TENM2: variants seen among roughly 807,000 people sequenced by gnomAD.
TENM2 encodes the protein teneurin-2.
A neutral mutation model predicts 245.2 loss-of-function variants in TENM2; 52 were observed. The ratio of observed to expected loss-of-function variants is 0.21; its 90% CI spans 0.17 to 0.27. The LOEUF (loss-of-function observed/expected upper bound fraction) is 0.27, where lower values mean the gene tolerates loss of function less well. Among genes scored for constraint, TENM2 ranks in the 10% least tolerant of loss-of-function variants. TENM2 has a pLI of 1.00. For missense variants in TENM2, 3,046 were observed against 3,666.8 expected (o/e 0.83, Z 4.37); for synonymous variants, 1,363 against 1,438.9 (o/e 0.95, Z 1.19).
chr5:167,862,074 G>A (rs531275724), intron 2 of TENM2, among the ~76,000 whole-genome samples: 3 of 152,188 alleles, frequency 2.0e-5, no homozygotes, highest in Non-Finnish European at 4.4e-5. Context: ...ATTGCTGACA[G>A]TGGAGGTATT....
At chr5:167,236,641 C>T in the TENM2 span, among the ~76,000 whole-genome samples, 3 of 152,106 alleles carry the variant, frequency 2.0e-5, no homozygotes, top group African/African-American at 7.2e-5. Context: ...ATGTGAACAA[C>T]AGGGAAGGCC....
At chr5:167,989,268 AAGAGAGAGAG>A (rs10617322) in intron 4 of TENM2, among the ~76,000 whole-genome samples, 2,747 of 145,028 alleles carry the variant, frequency 0.019, 92 homozygotes, top group African/African-American at 0.065. Flanking sequence ...AAGATAGAGA[AAGAGAGAGAG>A]AGAGAGAGAG....
intron 23 of TENM2, among the ~76,000 whole-genome samples, chr5:168,221,196 G>A (rs1763642702): frequency 6.6e-6 from 1 of 152,044 alleles, no homozygotes. Flanking sequence ...TTCCCACTCT[G>A]TTACAGGGGG....
chr5:168,167,420 A>G lies in TENM2; in HGVS notation c.2569+4663A>G, dbSNP rs368026260. On this transcript the variant is annotated intron_variant, in intron 13 of 28. Transcript: ENST00000518659. ...TAGAGTCAGGAGCCCTAGCCCTTCC[A>G]TCATTTCAAGCCGGCATCGGAGTGA... Among the ~76,000 whole-genome samples, 74 of 152,174 alleles carry G rather than the reference A, an allele frequency of 4.9e-4. No homozygotes were observed. The East Asian group carries it at 0.011, about 23-fold the overall frequency.
intron 2 of TENM2, among the ~76,000 whole-genome samples, chr5:167,859,354 C>T (rs1771447013): frequency 6.8e-6 from 1 of 146,826 alleles, no homozygotes; most frequent in Non-Finnish European, 1.5e-5. Context: ...CTCCGCCCGG[C>T]AGCCACCCCG....
chr5:167,872,552 AAGAAAGAAAGAAAGAAAGAAAG>A (rs1773063221), intron 2 of TENM2, among the ~76,000 whole-genome samples: 1 of 48,356 alleles, frequency 2.1e-5, no homozygotes, highest in Non-Finnish European at 5.6e-5. Flanking sequence ...AAGAAAGAGA[AAGAAAGAAAGAAAGAAAGAAAG>A]AAAGAAAGAG....
chr5:168,010,440 T>A (rs1225002149), intron 5 of TENM2, among the ~76,000 whole-genome samples: 1 of 152,206 alleles, frequency 6.6e-6, no homozygotes, highest in Middle Eastern at 3.2e-3. Flanking sequence ...CAACTTGTCA[T>A]TTCTCAAGTG....
the TENM2 span, among the ~76,000 whole-genome samples, chr5:167,007,989 A>G: frequency 1.3e-5 from 2 of 152,182 alleles, no homozygotes; most frequent in African/African-American, 4.8e-5. This position sits in a 1 kb window ranked among gnomAD's most constrained non-coding sequence, Gnocchi z 4.2. Flanking sequence ...ACTAAGCCAC[A>G]GTAACCCACC....
intron 4 of TENM2, among the ~76,000 whole-genome samples, chr5:167,984,725 A>G (rs1049588947): frequency 6.6e-6 from 1 of 152,228 alleles, no homozygotes; most frequent in African/African-American, 2.4e-5. Context: ...CAGGAAAATA[A>G]AGACAGAACG....
intron 2 of TENM2, among the ~76,000 whole-genome samples, chr5:167,741,662 T>C (rs1367017582): frequency 6.6e-6 from 1 of 152,202 alleles, no homozygotes; most frequent in East Asian, 1.9e-4. Context: ...TGAAAAATCA[T>C]TGTTACTTCT....
chr5:167,225,853 G>C, the TENM2 span, among the ~76,000 whole-genome samples: 1 of 151,842 alleles, frequency 6.6e-6, no homozygotes, highest in African/African-American at 2.4e-5. Context: ...CTTGCTATTG[G>C]TCTGTTTAGG....
intron 2 of TENM2, among the ~76,000 whole-genome samples, chr5:167,542,642 C>T (rs1261997288): frequency 5.3e-5 from 8 of 152,130 alleles, no homozygotes; most frequent in South Asian, 2.1e-4. Context: ...ATTACTGGTT[C>T]CTTCATACAT....
chr5:167,343,392 T>C (rs1382403987), intron 1 of TENM2, among the ~76,000 whole-genome samples: 3 of 152,178 alleles, frequency 2.0e-5, no homozygotes, highest in Non-Finnish European at 4.4e-5. Context: ...TTCTGTTTGA[T>C]TAGGTGTTAG....
chr5:167,014,617 T>C, the TENM2 span, among the ~76,000 whole-genome samples: 1 of 152,288 alleles, frequency 6.6e-6, no homozygotes, highest in African/African-American at 2.4e-5. Flanking sequence ...CCCTGTTGCA[T>C]AAGAGAAAGA....
chr5:167,820,052 G>C (rs1767391541), intron 2 of TENM2, among the ~76,000 whole-genome samples: 1 of 152,114 alleles, frequency 6.6e-6, no homozygotes, highest in Admixed American at 6.5e-5. Flanking sequence ...CACGTGAAGG[G>C]CATTTCCCAA....
At chr5:167,037,220 G>A in the TENM2 span, among the ~76,000 whole-genome samples, 1 of 152,172 alleles carries the variant, frequency 6.6e-6, no homozygotes, top group Non-Finnish European at 1.5e-5. Context: ...TTTTGAGGAA[G>A]ATTTTAACTG....
intron 2 of TENM2, among the ~76,000 whole-genome samples, chr5:167,611,351 C>G (rs1307907337): frequency 6.6e-6 from 1 of 152,228 alleles, no homozygotes; most frequent in South Asian, 2.1e-4. Flanking sequence ...CCCACAGGCT[C>G]TGGTCCCCTG....
chr5:167,677,419 A>G (rs186913862), intron 2 of TENM2, among the ~76,000 whole-genome samples: 2 of 151,228 alleles, frequency 1.3e-5, no homozygotes, highest in Admixed American at 1.3e-4. Context: ...TTTTCTTTTT[A>G]AGACATTATA....
chr5:167,533,514 G>A (rs766980477), intron 2 of TENM2, among the ~76,000 whole-genome samples: 3 of 152,094 alleles, frequency 2.0e-5, no homozygotes, highest in African/African-American at 7.2e-5. Context: ...GCGCCATGGT[G>A]CAATCATGGC....
Sources: gnomAD v4.1 joint callset for allele counts (sites outside exome capture counted in the v4.1 genomes callset) on GRCh38, gnomAD v4.1.1 for gene constraint, Gnocchi (gnomAD v3.1) non-coding constraint, MANE v1.5 for transcripts, NCBI Gene and HGNC (gene_info 2026-07-23, HGNC 2026-07-21) for gene names.